Variants in RPS6KA1 observed in about 807,000 individuals in gnomAD.
RPS6KA1 encodes ribosomal protein S6 kinase alpha-1.
RPS6KA1 carries 48 observed loss-of-function variants against 91.3 expected under a neutral mutation model. The observed-to-expected ratio is 0.53, with a 90% CI of 0.42 to 0.67. The LOEUF (loss-of-function observed/expected upper bound fraction) is 0.67. Among genes scored for constraint, RPS6KA1 ranks in the 30% least tolerant of loss-of-function variants. The pLI, the probability that RPS6KA1 is intolerant of heterozygous loss-of-function variation, is 0.00. For synonymous variants in RPS6KA1, 359 were observed against 384.7 expected (o/e 0.93, Z 0.78); for missense variants, 719 against 960.5 (o/e 0.75, Z 3.32).
At position 26,547,983 on chromosome 1, in the gene RPS6KA1, T is replaced by G. The variant is rs1007778434; in HGVS notation, c.307+713T>G. Among the ~76,000 whole-genome samples, 4 of 152,056 alleles carry G rather than the reference T, an allele frequency of 2.6e-5. No individual in the cohort carries two copies. Among genetic ancestry groups the G allele is most frequent in the African/African-American group, 9.7e-5 (4 of 41,380 alleles). ...TCAGGAGTTCAAGACCTGACCAACA[T>G]GTTGAAACCCCGTCTCTACTAAAAA... is the stretch of plus-strand genomic sequence containing the variant. On this transcript the variant is annotated intron_variant, in intron 4 of 21. Coordinates refer to ENST00000374168, the MANE Select transcript of RPS6KA1 (RefSeq NM_002953.4). The surrounding 1 kb of genome is among the most constrained non-coding windows in gnomAD (Gnocchi z 4.1).
chr1:26,545,092 C>T (rs527450404), intron 2 of RPS6KA1, among the ~76,000 whole-genome samples: 4 of 151,214 alleles, frequency 2.6e-5, no homozygotes, highest in East Asian at 2.0e-4. Context: ...CTGTTGGGTG[C>T]GTGTCCTTAT....
Position 26,555,746 on chromosome 1 carries a change from T to C in RPS6KA1, c.916+121T>C. 1.0e-6 allele frequency: 1 copy of C among 952,892 alleles called. No homozygotes were observed. Among genetic ancestry groups the C allele is most frequent in the East Asian group, 2.6e-5 (1 of 38,076 alleles). 59.0% of individuals were successfully genotyped at this position (952,892 alleles called of 1,614,324 possible). On this transcript the variant is annotated intron_variant, in intron 11 of 21. Coordinates refer to ENST00000374168, the MANE Select transcript of RPS6KA1 (RefSeq NM_002953.4). This position sits in a 1 kb window ranked among gnomAD's most constrained non-coding sequence, Gnocchi z 4.3. ...CGTTGTCCTTTGTGTGGGCAGACAA[T>C]GCCGCGGGCCACCCTGCTTTCTGGC... is the stretch of plus-strand genomic sequence containing the variant.
Position 26,554,371 on chromosome 1 carries a change from T to A in RPS6KA1, c.613+120T>A. 8.2e-7 allele frequency: 1 copy of A among 1,225,732 alleles called. No individual in the cohort carries two copies. The highest frequency in any genetic ancestry group is 1.1e-6 in the Non-Finnish European group (1 of 875,484). 75.9% of individuals were successfully genotyped at this position (1,225,732 alleles called of 1,614,324 possible). On this transcript the variant is annotated intron_variant, in intron 8 of 21. Coordinates refer to ENST00000374168, the MANE Select transcript of RPS6KA1 (RefSeq NM_002953.4). This position sits in a 1 kb window ranked among gnomAD's most constrained non-coding sequence, Gnocchi z 4.6. The stretch of plus-strand genomic sequence containing the variant: ...AGAAGCCGTGCCAGTTACTTGGAAG[T>A]GGTCAAAAACTCAGGCCTCAGACTT...
At chr1:26,562,387 G>A (rs538085128) in intron 17 of RPS6KA1, among the ~76,000 whole-genome samples, 2 of 152,312 alleles carry the variant, frequency 1.3e-5, no homozygotes, top group African/African-American at 4.8e-5. Flanking sequence ...GAATTTAGGT[G>A]GGGAGTGGCT....
At chr1:26,543,983 T>C (rs1181799496) in intron 2 of RPS6KA1, 1 of 434,208 alleles carries the variant, frequency 2.3e-6, no homozygotes, top group Admixed American at 2.4e-5. Flanking sequence ...AAATGGGAGA[T>C]CTCAGAGGTG....
intron 21 of RPS6KA1, 75 bp downstream of exon 21, chr1:26,573,436 C>G (rs2076267693): frequency 1.3e-6 from 2 of 1,522,490 alleles, no homozygotes; most frequent in Non-Finnish European, 1.8e-6. Context: ...TGTGGAAGAG[C>G]CAGGCAATGC....
intron 4 of RPS6KA1, among the ~76,000 whole-genome samples, chr1:26,548,039 G>A (rs2076011018): frequency 6.6e-6 from 1 of 151,960 alleles, no homozygotes; most frequent in Non-Finnish European, 1.5e-5. Flanking sequence ...GTGGTGGTGT[G>A]CACCTCTGAT....
In RPS6KA1 at chr1:26,530,930, T is replaced by TA. The variant is rs2075862905; in HGVS notation, c.63+947_63+948insA. On this transcript the variant is annotated intron_variant, in intron 1 of 21. Coordinates refer to ENST00000374168, the MANE Select transcript of RPS6KA1 (RefSeq NM_002953.4). ...GATATTCTCCTTCCCAGGTGGTTGT[T>TA]GGGGGTATGCAGGGAGGGAATGGAG... 47 of 1,219,386 alleles carry TA rather than the reference T, an allele frequency of 3.9e-5. No homozygotes were observed. In the South Asian group the frequency reaches 6.1e-4, roughly 16 times the overall value. 75.5% of individuals were successfully genotyped at this position (1,219,386 alleles called of 1,614,324 possible).
intron 19 of RPS6KA1, 103 bp downstream of exon 19, chr1:26,572,028 A>G: frequency 7.3e-7 from 1 of 1,373,450 alleles, no homozygotes; most frequent in Non-Finnish European, 1.0e-6. Context: ...CCGCCCCAGG[A>G]TGGTCTGGAA....
At chr1:26,536,152 TAAAAAAAAAAAAA>T (rs35238041) in intron 1 of RPS6KA1, among the ~76,000 whole-genome samples, 1 of 74,418 alleles carries the variant, frequency 1.3e-5, no homozygotes, top group Admixed American at 1.5e-4. Context: ...AAACTCTGTC[TAAAAAAAAAAAAA>T]AAAAAAAAAA....
chr1:26,565,543 T>TTTTTCTTTTCTTTTCTTTTCTTTTC lies in RPS6KA1; in HGVS notation c.1590+3885_1590+3909dup, dbSNP rs57066833. ...TATTTTGCCCGTTTTTGAATTTATT[T>TTTTTCTTTTCTTTTCTTTTCTTTTC]TTTTCTTTTCTTTTCTTTTCTTTTC... is the stretch of plus-strand genomic sequence containing the variant. On this transcript the variant is annotated intron_variant, in intron 17 of 21. Transcript: ENST00000374168. Among the ~76,000 whole-genome samples the TTTTTCTTTTCTTTTCTTTTCTTTTC allele has an allele frequency of 6.8e-3, 1,009 of 148,086 alleles. 13 individuals are homozygous for TTTTTCTTTTCTTTTCTTTTCTTTTC. The highest frequency in any genetic ancestry group is 0.023 in the African/African-American group (920 of 39,784).
rs188052529 is a variant in RPS6KA1 at position 26,543,053 on chromosome 1, A to G, written c.109-3814A>G. The G allele has an allele frequency of 5.9e-4, 686 of 1,165,266 alleles. 1 individual carries two copies. Among genetic ancestry groups the G allele is most frequent in the Non-Finnish European group, 6.0e-4 (491 of 822,766 alleles). 72.2% of individuals were successfully genotyped at this position (1,165,266 alleles called of 1,614,324 possible). On this transcript the variant is annotated intron_variant, in intron 2 of 21. Transcript: ENST00000374168. ...CTGCCCCTCCTCCCTGCAGAGGGGG[A>G]AGTGAGAAGGAGGGGGGCCAGAGAC...
At chr1:26,573,160 T>C in intron 20 of RPS6KA1, 64 bp from the exon 21 acceptor site, 8 of 1,549,996 alleles carry the variant, frequency 5.2e-6, no homozygotes, top group East Asian at 4.5e-5. Flanking sequence ...TGCCCTCCTG[T>C]GCCCCATCAG....
In RPS6KA1 at chr1:26,558,786, A is replaced by AT. The variant is rs2076127685; in HGVS notation, c.1085-19dup. 6.3e-7 allele frequency: 1 copy of AT among 1,588,560 alleles called. No individual in the cohort carries two copies. The highest frequency in any genetic ancestry group is 1.3e-5 in the African/African-American group (1 of 74,366). ...AGGGGACCTCCTCAGGTACCCTCAC[A>AT]TTCTCCTTCCATCCGTACAGATTCC... On this transcript the variant is annotated intron_variant, in intron 13 of 21. Transcript: ENST00000374168. This position sits in a 1 kb window ranked among gnomAD's most constrained non-coding sequence, Gnocchi z 4.0.
rs372587776 is a variant in RPS6KA1 at position 26,556,644 on chromosome 1, G to T, written c.917-10G>T. 6.2e-7 allele frequency: 1 copy of T among 1,614,112 alleles called. No individual in the cohort carries two copies. On this transcript the variant is annotated splice_polypyrimidine_tract_variant and intron_variant, in intron 11 of 21. Transcript: ENST00000374168. ...AGCCAGGGACAGACCCTTCATTTGG[G>T]CTCTTTCAGGCTCCGGCCCTGATGG...
chr1:26,557,028 T>A lies in RPS6KA1; in HGVS notation c.1012T>A (p.Phe338Ile). The A allele has an allele frequency of 1.3e-5, 21 of 1,614,094 alleles. No individual in the cohort carries two copies. Among genetic ancestry groups the A allele is most frequent in the Non-Finnish European group, 1.8e-5 (21 of 1,179,972 alleles). ...KLYRREIKPPFKPAVAQPDDT... is the reference protein window; with the variant it reads ...KLYRREIKPPIKPAVAQPDDT... ...ATACCGTCGTGAGATCAAGCCACCC[T>A]TCAAGCCAGCAGTGGCTCAGCCTGA... Residue 338 changes from phenylalanine to isoleucine, a missense_variant, in exon 13 of 22, where the codon TTC becomes ATC. Transcript: ENST00000374168.
chr1:26,546,319 T>A (rs1019652553), intron 2 of RPS6KA1, among the ~76,000 whole-genome samples: 5 of 152,192 alleles, frequency 3.3e-5, no homozygotes, highest in African/African-American at 9.6e-5. Context: ...AGTTGAGCCA[T>A]GCAGTCTTTG....
Position 26,553,509 on chromosome 1 carries a change from C to T in RPS6KA1, c.575+12C>T. On this transcript the variant is annotated intron_variant, in intron 7 of 21. Coordinates refer to ENST00000374168, the MANE Select transcript of RPS6KA1 (RefSeq NM_002953.4). The stretch of plus-strand genomic sequence containing the variant: ...CTCAAGCCTGAGAAGTGAGTGAAGC[C>T]TCCAGCCCCACCCCAGCCTCCCCAG... 6.3e-7 allele frequency: 1 copy of T among 1,576,970 alleles called. No individual in the cohort carries two copies. Among genetic ancestry groups the T allele is most frequent in the Non-Finnish European group, 8.7e-7 (1 of 1,148,904 alleles).
intron 1 of RPS6KA1, among the ~76,000 whole-genome samples, 179 bp downstream of exon 1, chr1:26,530,162 G>T (rs1351257296): frequency 6.6e-6 from 1 of 152,174 alleles, no homozygotes; most frequent in East Asian, 1.9e-4. Flanking sequence ...GTGTGCGAGG[G>T]ACAGTTCCGC....
Sources: gnomAD v4.1 joint callset for allele counts (sites outside exome capture counted in the v4.1 genomes callset) on GRCh38, gnomAD v4.1.1 for gene constraint, Gnocchi (gnomAD v3.1) non-coding constraint, MANE v1.5 for transcripts, NCBI Gene and HGNC (gene_info 2026-07-23, HGNC 2026-07-21) for gene names.